NEO1: variants seen among roughly 807,000 people sequenced by gnomAD.
NEO1 encodes neogenin 1, also known as neogenin.
Under a neutral mutation model 159.7 loss-of-function variants are expected in NEO1, and 63 were observed. The observed-to-expected ratio is 0.39, with a 90% CI of 0.32 to 0.49. The LOEUF is 0.49. Among genes scored for constraint, NEO1 ranks in the 20% least tolerant of loss-of-function variants. NEO1 has a pLI of 0.85. For synonymous variants in NEO1, 633 were observed against 662.0 expected (o/e 0.96, Z 0.67); for missense variants, 1,615 against 1,831.0 (o/e 0.88, Z 2.15).
chr15:73,297,747 T>C (rs1027550021), intron 26 of NEO1, among the ~76,000 whole-genome samples: 8 of 152,256 alleles, frequency 5.3e-5, no homozygotes, highest in African/African-American at 1.9e-4. Context: ...AAAAATGCCC[T>C]TCATTTGGTG....
intron 1 of NEO1, among the ~76,000 whole-genome samples, chr15:73,099,308 C>T (rs939909189): frequency 2.0e-5 from 3 of 152,120 alleles, no homozygotes; most frequent in South Asian, 2.1e-4. Context: ...TATGACAGGA[C>T]GACAGCTTAC....
At chr15:73,160,801 C>G (rs370508612) in intron 5 of NEO1, among the ~76,000 whole-genome samples, 14 of 152,316 alleles carry the variant, frequency 9.2e-5, no homozygotes, top group African/African-American at 3.1e-4. Flanking sequence ...CTCTCCCAAA[C>G]CCTGTCCTTA....
intron 4 of NEO1, among the ~76,000 whole-genome samples, chr15:73,133,681 T>C (rs1299474845): frequency 8.5e-5 from 13 of 152,194 alleles, no homozygotes; most frequent in African/African-American, 2.9e-4. Flanking sequence ...CTTGAGTCCA[T>C]TGGCTGTATA....
intron 5 of NEO1, among the ~76,000 whole-genome samples, chr15:73,160,076 A>G (rs1303714899): frequency 6.6e-6 from 1 of 152,142 alleles, no homozygotes; most frequent in African/African-American, 2.4e-5. Context: ...TGTATATATT[A>G]GGGAAATTAG....
At chr15:73,262,333 CTT>C (rs1338447948) in intron 15 of NEO1, among the ~76,000 whole-genome samples, 1 of 152,146 alleles carries the variant, frequency 6.6e-6, no homozygotes, top group Non-Finnish European at 1.5e-5. Flanking sequence ...AAGCCACAGA[CTT>C]GGAGAAAATA....
intron 13 of NEO1, among the ~76,000 whole-genome samples, 153 bp from the exon 14 acceptor site, chr15:73,258,613 T>C (rs1373321237): frequency 6.6e-6 from 1 of 152,234 alleles, no homozygotes; most frequent in Non-Finnish European, 1.5e-5. Flanking sequence ...ATGTTGTATT[T>C]GCATTTTGCC....
intron 4 of NEO1, among the ~76,000 whole-genome samples, chr15:73,135,389 G>A (rs1015499953): frequency 2.6e-5 from 4 of 152,136 alleles, no homozygotes; most frequent in Admixed American, 1.3e-4. Context: ...TCCTAGATAA[G>A]CTACCATAGG....
intron 4 of NEO1, among the ~76,000 whole-genome samples, chr15:73,130,057 G>A (rs931027497): frequency 6.6e-6 from 1 of 152,190 alleles, no homozygotes; most frequent in African/African-American, 2.4e-5. Flanking sequence ...GTGTGGTGGC[G>A]TGATCTCAGT....
intron 5 of NEO1, 56 bp downstream of exon 5, chr15:73,136,083 A>G (rs1283173258): frequency 3.2e-5 from 48 of 1,477,268 alleles, no homozygotes; most frequent in East Asian, 9.4e-5. Flanking sequence ...TGGGTCTGCT[A>G]ATTTTTAAGA....
At chr15:73,095,161 A>G (rs2151470544) in intron 1 of NEO1, among the ~76,000 whole-genome samples, 1 of 151,510 alleles carries the variant, frequency 6.6e-6, no homozygotes, top group South Asian at 2.1e-4. Context: ...GTGAGCTGAG[A>G]TTGTGCCACT....
chr15:73,121,597 T>TAG (rs2071655378), intron 2 of NEO1, among the ~76,000 whole-genome samples: 1 of 152,190 alleles, frequency 6.6e-6, no homozygotes, highest in Admixed American at 6.5e-5. Context: ...CATTTTTGTT[T>TAG]ACTAGTTTTG....
rs145452005 is a variant in NEO1, at chr15:73,112,980, C to T, written c.131-3560C>T. On this transcript the variant is annotated intron_variant, in intron 1 of 28. Coordinates refer to ENST00000261908, the MANE Select transcript of NEO1 (RefSeq NM_002499.4). The stretch of plus-strand genomic sequence containing the variant: ...TAGTTAGTTCATCCTTTTCCTCAAT[C>T]GATTTAAAATGTCATCTCTACTACA... 1.4e-4 allele frequency among the ~76,000 whole-genome samples: 22 copies of T among 152,152 alleles called. No homozygotes were observed. The East Asian group carries it at 3.3e-3, about 23-fold the overall frequency.
intron 7 of NEO1, among the ~76,000 whole-genome samples, chr15:73,183,310 G>GA (rs2035726949): frequency 6.6e-6 from 1 of 152,102 alleles, no homozygotes; most frequent in African/African-American, 2.4e-5. Flanking sequence ...GGGAGGGGCA[G>GA]AAAACCTTCT....
chr15:73,230,104 G>GGAA (rs2038819162), intron 7 of NEO1, among the ~76,000 whole-genome samples: 2 of 152,242 alleles, frequency 1.3e-5, no homozygotes, highest in South Asian at 4.1e-4. Context: ...TCCTGAAAAA[G>GGAA]TTTGTGAAGG....
At chr15:73,212,083 A>G (rs982953995) in intron 7 of NEO1, among the ~76,000 whole-genome samples, 11 of 152,174 alleles carry the variant, frequency 7.2e-5, no homozygotes, top group African/African-American at 2.7e-4. Context: ...GTTATTTGGT[A>G]ACGTTAACAC....
At chr15:73,073,380 C>T (rs2068626117) in intron 1 of NEO1, among the ~76,000 whole-genome samples, 1 of 151,988 alleles carries the variant, frequency 6.6e-6, no homozygotes, top group Non-Finnish European at 1.5e-5. Flanking sequence ...TGAAAAGTTC[C>T]AGAAATTTAG....
rs1175567181 is a variant in NEO1 at position 73,116,605 on chromosome 15, A to G, written c.196A>G (p.Arg66Gly). The G allele has an allele frequency of 6.2e-7, 1 of 1,607,082 alleles. No individual in the cohort carries two copies. The highest frequency in any genetic ancestry group is 8.5e-7 in the Non-Finnish European group (1 of 1,177,914). The change falls in exon 2 of 29, where the codon AGA becomes GGA. Residue 66 changes from arginine (R) to glycine (G), a missense_variant. This residue lies in a region of NEO1 where 1,018 missense variants were observed against 1,115.4 expected (regional missense o/e 0.91). Transcript: ENST00000261908. ...LVEPVDTLSV[R>G]GSSVILNCSA... is the part of the protein sequence containing the mutation. ...GGAGCCGGTGGATACACTCTCAGTTAGAGGCTCTTCTGTTATATTAAACTG... is the reference window on the plus strand; with the variant it reads ...GGAGCCGGTGGATACACTCTCAGTTGGAGGCTCTTCTGTTATATTAAACTG...
intron 1 of NEO1, among the ~76,000 whole-genome samples, chr15:73,103,391 T>A (rs1329302631): frequency 6.6e-6 from 1 of 152,214 alleles, no homozygotes; most frequent in African/African-American, 2.4e-5. Flanking sequence ...CCACTTCCAC[T>A]GCCAGCTTGT....
chr15:73,128,240 A>ATT lies in NEO1; in HGVS notation c.878+1684_878+1685dup, dbSNP rs768437291. ...ATAAGCAAAGAATTTATAAGACTTCATTTTTTTTTTTTTTTGCCAACTGAA... is the reference window on the plus strand; with the variant it reads ...ATAAGCAAAGAATTTATAAGACTTCATTTTTTTTTTTTTTTTTGCCAACTGAA... On this transcript the variant is annotated intron_variant, in intron 4 of 28. Transcript: ENST00000261908. 3.8e-3 allele frequency among the ~76,000 whole-genome samples: 533 copies of ATT among 140,002 alleles called. 5 individuals carry two copies. Among genetic ancestry groups the ATT allele is most frequent in the African/African-American group, 0.012 (473 of 38,660 alleles). The allele number at this position is 140,002 out of a possible 152,430, so 91.8% of individuals were successfully genotyped here.
Sources: gnomAD v4.1 joint callset for allele counts (sites outside exome capture counted in the v4.1 genomes callset) on GRCh38, gnomAD v4.1.1 for gene constraint, gnomAD v4.1.1 regional missense constraint, MANE v1.5 for transcripts, NCBI Gene and HGNC (gene_info 2026-07-23, HGNC 2026-07-21) for gene names.